MACROD1: variants seen among roughly 807,000 people sequenced by gnomAD.
MACROD1 encodes mono-ADP ribosylhydrolase 1, also known as ADP-ribose glycohydrolase MACROD1.
In MACROD1, 31 loss-of-function variants were observed where a neutral mutation model predicts 41.4. The ratio of observed to expected loss-of-function variants is 0.75; its 90% CI spans 0.56 to 1.01. The LOEUF is 1.01. MACROD1 is among the 50% of genes least tolerant of loss of function. MACROD1 has a pLI of 0.00. For synonymous variants in MACROD1, 252 were observed against 203.4 expected, an observed-to-expected ratio of 1.24 and a Z score of -2.03; for missense variants, 473 against 460.0, an observed-to-expected ratio of 1.03 and a Z score of -0.26.
At chr11:64,050,546 G>A (rs941709973) in intron 3 of MACROD1, among the ~76,000 whole-genome samples, 1 of 152,212 alleles carries the variant, frequency 6.6e-6, no homozygotes, top group Non-Finnish European at 1.5e-5. Flanking sequence ...GTCACCTGGT[G>A]AGGACAGCCC....
chr11:64,081,097 C>G (rs928152403), intron 3 of MACROD1, among the ~76,000 whole-genome samples: 1 of 152,216 alleles, frequency 6.6e-6, no homozygotes, highest in Non-Finnish European at 1.5e-5. Context: ...TCTCAGCTCA[C>G]TGCAACCTCC....
At chr11:64,059,378 G>A (rs893082611) in intron 3 of MACROD1, among the ~76,000 whole-genome samples, 2 of 152,202 alleles carry the variant, frequency 1.3e-5, no homozygotes, top group African/African-American at 4.8e-5. Context: ...TCGCAGCCCA[G>A]CAGGCTGCCC....
At chr11:64,022,416 C>A (rs1353447215) in intron 3 of MACROD1, among the ~76,000 whole-genome samples, 1 of 152,170 alleles carries the variant, frequency 6.6e-6, no homozygotes, top group Admixed American at 6.5e-5. Context: ...CTCCAAGGGG[C>A]TCCATGACTG....
intron 3 of MACROD1, among the ~76,000 whole-genome samples, chr11:64,089,958 GGATT>G (rs1341967425): frequency 1.3e-5 from 2 of 152,196 alleles, no homozygotes; most frequent in African/African-American, 4.8e-5. Context: ...TAAAGTGAGA[GGATT>G]GGATAAGATG....
chr11:64,048,474 A>T (rs1565208848), intron 3 of MACROD1, among the ~76,000 whole-genome samples: 1 of 152,036 alleles, frequency 6.6e-6, no homozygotes, highest in Non-Finnish European at 1.5e-5. Flanking sequence ...GTTGCCAGGG[A>T]CCCAGGAGCC....
chr11:64,028,186 C>T (rs1048023133), intron 3 of MACROD1, among the ~76,000 whole-genome samples: 4 of 142,484 alleles, frequency 2.8e-5, no homozygotes, highest in African/African-American at 1.0e-4. Context: ...ATGGGAAGGG[C>T]CGGGTGGGGT....
At chr11:64,111,657 G>T (rs1421817748) in intron 3 of MACROD1, among the ~76,000 whole-genome samples, 1 of 152,154 alleles carries the variant, frequency 6.6e-6, no homozygotes, top group African/African-American at 2.4e-5. Flanking sequence ...CCTGTGAAGG[G>T]GGGTGGGTGA....
At chr11:64,117,814 A>T in intron 3 of MACROD1, 3 of 1,614,166 alleles carry the variant, frequency 1.9e-6, no homozygotes, top group Non-Finnish European at 2.5e-6. Flanking sequence ...AGCAATGCCT[A>T]CGTAGCTGAT....
At chr11:64,119,517 A>AT (rs58767804) in intron 3 of MACROD1, among the ~76,000 whole-genome samples, 34,681 of 150,498 alleles carry the variant, frequency 0.23, 6,940 homozygotes, top group East Asian at 0.53. Flanking sequence ...TAGCGCAGGG[A>AT]TTTTTTTTTT....
intron 3 of MACROD1, chr11:64,116,209 C>A: frequency 6.5e-7 from 1 of 1,550,048 alleles, no homozygotes; most frequent in Admixed American, 1.8e-5. Flanking sequence ...CTGTCCTGTG[C>A]TCCTTGCAGG....
At chr11:64,022,986 C>T (rs1157179779) in intron 3 of MACROD1, among the ~76,000 whole-genome samples, 6 of 151,778 alleles carry the variant, frequency 4.0e-5, no homozygotes, top group Non-Finnish European at 8.8e-5. Flanking sequence ...CTCAGCCTCC[C>T]GAGTAGCTGG....
chr11:64,085,068 C>A (rs1457221195), intron 3 of MACROD1, among the ~76,000 whole-genome samples: 2 of 152,228 alleles, frequency 1.3e-5, no homozygotes, highest in African/African-American at 4.8e-5. Context: ...GAGGTTCAGT[C>A]ATTGCACAGA....
At chr11:64,086,468 G>A (rs1346677673) in intron 3 of MACROD1, among the ~76,000 whole-genome samples, 1 of 151,772 alleles carries the variant, frequency 6.6e-6, no homozygotes, top group Admixed American at 6.6e-5. Context: ...CTCTCCCCAT[G>A]CCCTCAGGAG....
chr11:64,122,391 C>T lies in MACROD1; in HGVS notation c.517+28848G>A, dbSNP rs181283503. On this transcript the variant is annotated intron_variant, in intron 3 of 10. Transcript: ENST00000255681. The surrounding 1 kb of genome is among the most constrained non-coding windows in gnomAD (Gnocchi z 4.0). ...GTGACGCTGGCAGGGGAGGGGACAGCACCTGGGAAGATGGCAGCAGCTAGG... is the reference window on the plus strand; with the variant it reads ...GTGACGCTGGCAGGGGAGGGGACAGTACCTGGGAAGATGGCAGCAGCTAGG... Among the ~76,000 whole-genome samples, 273 of 152,296 alleles carry T rather than the reference C, an allele frequency of 1.8e-3. No homozygotes were observed. Among genetic ancestry groups the T allele is most frequent in the African/African-American group, 6.4e-3 (265 of 41,574 alleles).
At chr11:64,110,583 C>T (rs541391221) in intron 3 of MACROD1, among the ~76,000 whole-genome samples, 1 of 152,146 alleles carries the variant, frequency 6.6e-6, no homozygotes, top group Admixed American at 6.5e-5. Context: ...GAATAATGCC[C>T]CAGGGCCCCC....
intron 4 of MACROD1, among the ~76,000 whole-genome samples, chr11:64,008,762 T>G (rs1232176510): frequency 6.6e-6 from 1 of 152,160 alleles, no homozygotes; most frequent in African/African-American, 2.4e-5. Context: ...TCCTGCAGTT[T>G]GAGCGGGGTC....
chr11:64,055,891 G>A (rs1266809646), intron 3 of MACROD1, among the ~76,000 whole-genome samples: 1 of 152,140 alleles, frequency 6.6e-6, no homozygotes, highest in Non-Finnish European at 1.5e-5. Flanking sequence ...CAGGGCTTTT[G>A]GCAGGCAGGG....
intron 3 of MACROD1, among the ~76,000 whole-genome samples, chr11:64,109,935 T>C (rs1413393336): frequency 6.6e-6 from 1 of 152,052 alleles, no homozygotes; most frequent in Non-Finnish European, 1.5e-5. Flanking sequence ...GACGGGCAGC[T>C]ACTGCAGAAG....
chr11:64,042,866 G>T (rs1189700495), intron 3 of MACROD1, among the ~76,000 whole-genome samples: 1 of 152,102 alleles, frequency 6.6e-6, no homozygotes, highest in African/African-American at 2.4e-5. Flanking sequence ...CCACACCCCA[G>T]TTTCCAGGGG....
Sources: gnomAD v4.1 joint callset for allele counts (sites outside exome capture counted in the v4.1 genomes callset) on GRCh38, gnomAD v4.1.1 for gene constraint, Gnocchi (gnomAD v3.1) non-coding constraint, MANE v1.5 for transcripts, NCBI Gene and HGNC (gene_info 2026-07-23, HGNC 2026-07-21) for gene names.